SLC38A6: variants seen among roughly 807,000 people sequenced by gnomAD.
The protein encoded by SLC38A6 is solute carrier family 38 member 6.
Under a neutral mutation model 65.0 loss-of-function variants are expected in SLC38A6, and 73 were observed. The observed-to-expected ratio is 1.12, with a 90% CI of 0.93 to 1.37. The LOEUF is 1.37. Ranked by LOEUF, SLC38A6 falls within the 40% of genes most tolerant of loss-of-function variation. SLC38A6 has a pLI of 0.00. For missense variants in SLC38A6, 561 were observed against 531.1 expected (o/e 1.06, Z -0.55); for synonymous variants, 183 against 178.8 (o/e 1.02, Z -0.19).
At chr14:61,040,131 T>C (rs1437850549) in intron 8 of SLC38A6, among the ~76,000 whole-genome samples, 1 of 152,026 alleles carries the variant, frequency 6.6e-6, no homozygotes, top group African/African-American at 2.4e-5. Context: ...AGATTAGTAT[T>C]CTAAGCAACG....
At chr14:61,033,690 C>T (rs1446487810) in intron 6 of SLC38A6, among the ~76,000 whole-genome samples, 1 of 152,036 alleles carries the variant, frequency 6.6e-6, no homozygotes, top group African/African-American at 2.4e-5. Flanking sequence ...AAACACAATT[C>T]ATTTGTCTGT....
intron 8 of SLC38A6, 54 bp downstream of exon 8, chr14:61,037,737 G>C (rs78035261): frequency 3.3e-6 from 4 of 1,208,416 alleles, no homozygotes; most frequent in Non-Finnish European, 4.7e-6. Context: ...TGGACTCATT[G>C]TGTTAGTCTT....
At chr14:61,030,263 CTGTGTGTGTGTGTGTGTGTGTGTG>C (rs3080609) in intron 5 of SLC38A6, among the ~76,000 whole-genome samples, 158 bp from the exon 6 acceptor site, 1 of 148,728 alleles carries the variant, frequency 6.7e-6, no homozygotes, top group African/African-American at 2.5e-5. Flanking sequence ...AGTTACTTTT[CTGTGTGTGTGTGTGTGTGTGTGTG>C]TGTGTGTGTG....
At chr14:61,044,690 CTTT>C (rs1566700391) in intron 10 of SLC38A6, among the ~76,000 whole-genome samples, 1 of 152,098 alleles carries the variant, frequency 6.6e-6, no homozygotes, top group Non-Finnish European at 1.5e-5. Flanking sequence ...TAAATGGTAA[CTTT>C]TTTTGCTTTA....
rs1170139979 is a variant in SLC38A6, at chr14:60,984,632, T to G, written c.237-98T>G. The G allele has an allele frequency of 4.5e-6, 4 of 895,614 alleles. No homozygotes were observed. In the South Asian group the frequency reaches 5.4e-5, roughly 12 times the overall value. The allele number at this position is 895,614 out of a possible 1,614,324, so 55.5% of individuals were successfully genotyped here. A position where few individuals can be genotyped will look rare whatever the true frequency, so the allele number is the denominator to read the frequency against. ...TTCTGCTACTCAGAGATAGTTCCTG[T>G]GAATATTTGACTGTTAAGCAATTTG... On this transcript the variant is annotated intron_variant, in intron 2 of 15. Coordinates refer to ENST00000267488, the MANE Select transcript of SLC38A6 (RefSeq NM_153811.3).
chr14:61,052,369 T>C lies in SLC38A6; in HGVS notation c.1311T>C (p.Phe437=). The C allele has an allele frequency of 6.3e-7, 1 of 1,596,094 alleles. No individual in the cohort carries two copies. The change falls in exon 16 of 16, where the codon TTT becomes TTC. Residue 437 remains phenylalanine, a synonymous_variant. Coordinates refer to ENST00000267488, the MANE Select transcript of SLC38A6 (RefSeq NM_153811.3). ...KKLGAFVLLI[F]GILVGNFSLA... is the part of the protein sequence containing the mutation. Reference sequence around the variant, plus strand: ...CACAGGCATTCGTTTTGCTCATCTTTGGAATTTTGGTTGGGAATTTTAGTT... The same window carrying C: ...CACAGGCATTCGTTTTGCTCATCTTCGGAATTTTGGTTGGGAATTTTAGTT...
At chr14:61,068,322 A>G (rs192233914) in intron 15 of SLC38A6, among the ~76,000 whole-genome samples, 58 of 152,276 alleles carry the variant, frequency 3.8e-4, no homozygotes, top group African/African-American at 1.3e-3. Flanking sequence ...AGTTGTTTAA[A>G]AATTCAAATC....
intron 11 of SLC38A6, among the ~76,000 whole-genome samples, chr14:61,045,753 GC>G (rs1336579854): frequency 1.3e-5 from 2 of 152,052 alleles, no homozygotes; most frequent in African/African-American, 4.8e-5. Flanking sequence ...GGACGTGGTG[GC>G]GGGCACCTGT....
chr14:61,002,343 A>T (rs2038767410), intron 3 of SLC38A6: 1 of 152,242 alleles, frequency 6.6e-6, no homozygotes, highest in Non-Finnish European at 1.5e-5. Context: ...ATACAAAAAA[A>T]AAAGATCAGA....
chr14:61,068,841 T>C (rs1467802241), intron 15 of SLC38A6, among the ~76,000 whole-genome samples: 1 of 152,220 alleles, frequency 6.6e-6, no homozygotes, highest in Non-Finnish European at 1.5e-5. Flanking sequence ...TGGCTTAATA[T>C]TTGTTGAATG....
chr14:60,986,569 A>T lies in SLC38A6; in HGVS notation c.310+1766A>T, dbSNP rs370095180. Among the ~76,000 whole-genome samples, 8 of 152,378 alleles carry T rather than the reference A, an allele frequency of 5.3e-5. No individual in the cohort carries two copies. In the East Asian group the frequency reaches 1.5e-3, roughly 29 times the overall value. On this transcript the variant is annotated intron_variant, in intron 3 of 15. Transcript: ENST00000267488. Reference sequence around the variant, plus strand: ...ACAGATGAAAATACTAGGAAGCAGTACAAATATTAATCCTAAAGTAACAGG... The same window carrying T: ...ACAGATGAAAATACTAGGAAGCAGTTCAAATATTAATCCTAAAGTAACAGG...
chr14:61,045,726 A>C (rs2042099712), intron 11 of SLC38A6, among the ~76,000 whole-genome samples: 1 of 152,240 alleles, frequency 6.6e-6, no homozygotes, highest in East Asian at 1.9e-4. Context: ...TCTACTAAAA[A>C]TACAAAAAAA....
chr14:61,079,380 A>G (rs1594803629), intron 16 of SLC38A6, among the ~76,000 whole-genome samples: 1 of 151,060 alleles, frequency 6.6e-6, no homozygotes, highest in Admixed American at 6.6e-5. Flanking sequence ...CTGGTGATCT[A>G]CCCACCTCAG....
intron 3 of SLC38A6, among the ~76,000 whole-genome samples, chr14:61,004,949 G>A (rs2139410069): frequency 6.6e-6 from 1 of 152,156 alleles, no homozygotes; most frequent in South Asian, 2.1e-4. Context: ...TAAAATACTG[G>A]CAAACTGAAT....
intron 3 of SLC38A6, among the ~76,000 whole-genome samples, chr14:60,997,696 A>G (rs1263572917): frequency 1.3e-5 from 2 of 152,192 alleles, no homozygotes; most frequent in Admixed American, 6.5e-5. Context: ...AAAGAAAGAA[A>G]CAGGTTAACA....
chr14:61,079,497 G>A (rs551277684), intron 16 of SLC38A6, among the ~76,000 whole-genome samples: 46 of 152,050 alleles, frequency 3.0e-4, no homozygotes, highest in East Asian at 9.7e-4. Flanking sequence ...CCTCCAAAGC[G>A]TTTCTTCTCC....
chr14:60,990,715 C>T (rs1045672408), intron 3 of SLC38A6, among the ~76,000 whole-genome samples: 5 of 151,960 alleles, frequency 3.3e-5, no homozygotes, highest in African/African-American at 1.2e-4. Context: ...TCACTGCAGC[C>T]TCGACCTCCT....
chr14:61,018,931 G>A (rs1490495456), intron 4 of SLC38A6, among the ~76,000 whole-genome samples: 1 of 152,098 alleles, frequency 6.6e-6, no homozygotes, highest in African/African-American at 2.4e-5. Flanking sequence ...CCATTGAAGG[G>A]GGAGGAATTC....
At chr14:61,044,630 A>G (rs935905969) in intron 10 of SLC38A6, among the ~76,000 whole-genome samples, 7 of 152,222 alleles carry the variant, frequency 4.6e-5, no homozygotes, top group Non-Finnish European at 8.8e-5. Flanking sequence ...TAGAGCAGAA[A>G]GGAGAAAATA....
Sources: gnomAD v4.1 joint callset for allele counts (sites outside exome capture counted in the v4.1 genomes callset) on GRCh38, gnomAD v4.1.1 for gene constraint, MANE v1.5 for transcripts, NCBI Gene and HGNC (gene_info 2026-07-23, HGNC 2026-07-21) for gene names.